COCH: variants seen among roughly 807,000 people sequenced by gnomAD.
COCH encodes cochlin, also known as coagulation factor C homolog, cochlin (Limulus polyphemus).
Under a neutral mutation model 54.8 loss-of-function variants are expected in COCH, and 40 were observed. That is an observed-to-expected ratio of 0.73 (90% CI 0.57 to 0.95). The LOEUF is 0.95. Ranked by LOEUF, COCH falls within the 40% of genes least tolerant of loss-of-function variation. The pLI is 0.00. For missense variants in COCH, 605 were observed against 675.0 expected (o/e 0.90, Z 1.15); for synonymous variants, 256 against 237.9 (o/e 1.08, Z -0.70).
Position 30,889,793 on chromosome 14 carries a change from G to C in COCH, c.*2G>C, listed in dbSNP as rs1243477702. The C allele has an allele frequency of 6.2e-7, 1 of 1,608,056 alleles. No individual in the cohort carries two copies. Among genetic ancestry groups the C allele is most frequent in the Admixed American group, 1.7e-5 (1 of 59,804 alleles). On this transcript the variant is annotated 3_prime_UTR_variant, in exon 12 of 12. Coordinates refer to ENST00000396618, the MANE Select transcript of COCH (RefSeq NM_004086.3). Reference sequence around the variant, plus strand: ...GATTTCTTAGAATCCCAGCAATAATGGTAACATTTTGACAACTGAAAGAAA... The same window carrying C: ...GATTTCTTAGAATCCCAGCAATAATCGTAACATTTTGACAACTGAAAGAAA...
chr14:30,879,194 C>T (rs185658727), intron 5 of COCH, among the ~76,000 whole-genome samples: 6 of 152,236 alleles, frequency 3.9e-5, no homozygotes, highest in Admixed American at 6.5e-5. Context: ...TCAGAATGCC[C>T]GGACACTTAC....
At chr14:30,887,535 T>G (rs1045585036) in intron 11 of COCH, among the ~76,000 whole-genome samples, 2 of 152,226 alleles carry the variant, frequency 1.3e-5, no homozygotes, top group African/African-American at 2.4e-5. Flanking sequence ...ACAGGCCTCG[T>G]TCCTGAAGAC....
intron 8 of COCH, among the ~76,000 whole-genome samples, chr14:30,881,867 G>A (rs1258163319): frequency 1.3e-5 from 2 of 151,830 alleles, no homozygotes; most frequent in Non-Finnish European, 2.9e-5. Flanking sequence ...GGGAGGCTGA[G>A]GCAGGAGAAT....
downstream of COCH, among the ~76,000 whole-genome samples, chr14:30,893,446 C>G (rs1035473013): frequency 6.6e-6 from 1 of 151,870 alleles, no homozygotes; most frequent in African/African-American, 2.4e-5. Context: ...GCCACCGCGC[C>G]CGGCCAAAAA....
chr14:30,885,197 C>T, intron 9 of COCH, 197 bp from the exon 10 acceptor site: 2 of 1,055,196 alleles, frequency 1.9e-6, no homozygotes, highest in Non-Finnish European at 2.7e-6. Context: ...ATAAATAGGC[C>T]TGGTAGATAA....
In COCH at chr14:30,879,462, T is replaced by G. The variant is rs1895491363; in HGVS notation, c.413T>G (p.Val138Gly). The G allele has an allele frequency of 6.2e-7, 1 of 1,614,112 alleles. No homozygotes were observed. The change falls in exon 6 of 12, where the codon GTG becomes GGG. Residue 138 changes from valine (V) to glycine (G), a missense_variant. Physicochemically the swap from Val to Gly is moderately radical, Grantham distance 109. Coordinates refer to ENST00000396618, the MANE Select transcript of COCH (RefSeq NM_004086.3). Reference sequence around the variant, plus strand: ...ACACAGGAGGCCACAGGACAAGCAGTGTCCACAGCACATCCACCAACAGGT... The same window carrying G: ...ACACAGGAGGCCACAGGACAAGCAGGGTCCACAGCACATCCACCAACAGGT... ...SSTQEATGQA[V>G]STAHPPTGKR...
rs773114700 is a variant in COCH, at chr14:30,880,745, T to A, written c.629+11T>A. ...CCTTGTTCAAGCCAGGTACCAACCT[T>A]GTTAAAATGGGAGATTTAAAAAAAA... On this transcript the variant is annotated intron_variant, in intron 8 of 11. Transcript: ENST00000396618. 2.5e-6 allele frequency: 4 copies of A among 1,605,426 alleles called. No homozygotes were observed. Among genetic ancestry groups the A allele is most frequent in the Non-Finnish European group, 3.4e-6 (4 of 1,172,690 alleles).
Position 30,890,190 on chromosome 14 carries a change from A to G in COCH, c.*399A>G, listed in dbSNP as rs1219348041. The G allele has an allele frequency of 5.0e-6, 5 of 990,844 alleles. No individual in the cohort carries two copies. The highest frequency in any genetic ancestry group is 1.7e-5 in the African/African-American group (1 of 57,304). 61.4% of individuals were successfully genotyped at this position (990,844 alleles called of 1,614,324 possible). A position where few individuals can be genotyped will look rare whatever the true frequency, so the allele number is the denominator to read the frequency against. ...GTATTGATTATATAAGCAAAATGAA[A>G]AGAGAAACTTAAATGAACACAGCTC... On this transcript the variant is annotated 3_prime_UTR_variant, in exon 12 of 12. Coordinates refer to ENST00000396618, the MANE Select transcript of COCH (RefSeq NM_004086.3).
intron 10 of COCH, 45 bp from the exon 11 acceptor site, chr14:30,885,751 A>G: frequency 6.2e-7 from 1 of 1,610,328 alleles, no homozygotes; most frequent in Non-Finnish European, 8.5e-7. Flanking sequence ...AAGAAGAAAC[A>G]ACTTTTGATC....
Position 30,876,775 on chromosome 14 carries a change from C to T in COCH, c.83-797C>T, listed in dbSNP as rs377433764. Among the ~76,000 whole-genome samples, 23 of 152,200 alleles carry T rather than the reference C, an allele frequency of 1.5e-4. No individual in the cohort carries two copies. In the South Asian group the frequency reaches 2.3e-3, roughly 15 times the overall value. ...TTACCTCAAGCAACTGTGTACATAGCGTCATCAAAGTTGAGATTTAAAAAT... is the reference window on the plus strand; with the variant it reads ...TTACCTCAAGCAACTGTGTACATAGTGTCATCAAAGTTGAGATTTAAAAAT... On this transcript the variant is annotated intron_variant, in intron 3 of 11. Coordinates refer to ENST00000396618, the MANE Select transcript of COCH (RefSeq NM_004086.3).
At chr14:30,888,303 T>C (rs1325078201) in intron 11 of COCH, among the ~76,000 whole-genome samples, 1 of 152,074 alleles carries the variant, frequency 6.6e-6, no homozygotes, top group Non-Finnish European at 1.5e-5. Flanking sequence ...CAATTGGACA[T>C]TGTTCCAAGT....
intron 1 of COCH, 122 bp downstream of exon 1, chr14:30,874,713 G>T: frequency 3.2e-6 from 2 of 619,784 alleles, no homozygotes; most frequent in South Asian, 3.8e-5. Context: ...GCGGTGCGGG[G>T]TTGCACACCG....
chr14:30,882,136 T>G (rs1443145856), intron 8 of COCH, among the ~76,000 whole-genome samples: 7 of 129,332 alleles, frequency 5.4e-5, no homozygotes, highest in South Asian at 2.7e-4. Flanking sequence ...TTTTTTTTTT[T>G]TTTTTTTTTT....
chr14:30,892,429 C>A (rs1161892323), downstream of COCH, among the ~76,000 whole-genome samples: 4 of 151,982 alleles, frequency 2.6e-5, no homozygotes, highest in African/African-American at 9.7e-5. Flanking sequence ...AAAGAAGAAA[C>A]AGAAGAGGAG....
chr14:30,884,915 A>C (rs1447736037), intron 9 of COCH: 1 of 1,596,508 alleles, frequency 6.3e-7, no homozygotes, highest in African/African-American at 1.3e-5. Context: ...ACTAGATATA[A>C]CATTGGAGAA....
downstream of COCH, among the ~76,000 whole-genome samples, chr14:30,892,105 TATTTAATA>T (rs1311107117): frequency 1.3e-5 from 1 of 76,810 alleles, no homozygotes; most frequent in Non-Finnish European, 4.2e-5. Context: ...TATAAAGTAC[TATTTAATA>T]GTGAAATTAA....
In COCH at chr14:30,890,400, C is replaced by T; in HGVS notation, c.*609C>T. 1.0e-6 allele frequency: 1 copy of T among 983,156 alleles called. No homozygotes were observed. Among genetic ancestry groups the T allele is most frequent in the Non-Finnish European group, 1.2e-6 (1 of 828,182 alleles). The allele number at this position is 983,156 out of a possible 1,614,324, so 60.9% of individuals were successfully genotyped here. Reference sequence around the variant, plus strand: ...AAAAATATCACACTGAATAAGAGAGCAGGATTGCCAGGTATTTTTCTATTT... The same window carrying T: ...AAAAATATCACACTGAATAAGAGAGTAGGATTGCCAGGTATTTTTCTATTT... On this transcript the variant is annotated 3_prime_UTR_variant, in exon 12 of 12. Coordinates refer to ENST00000396618, the MANE Select transcript of COCH (RefSeq NM_004086.3).
rs939484813 is a variant in COCH, at chr14:30,877,042, A to G, written c.83-530A>G. 1.3e-5 allele frequency among the ~76,000 whole-genome samples: 2 copies of G among 152,094 alleles called. No homozygotes were observed. Among genetic ancestry groups the G allele is most frequent in the Non-Finnish European group, 2.9e-5 (2 of 68,016 alleles). On this transcript the variant is annotated intron_variant, in intron 3 of 11. Transcript: ENST00000396618. The surrounding 1 kb of genome is among the most constrained non-coding windows in gnomAD (Gnocchi z 8.6). ...AGACTGGTCTTGACCTCCTGGACTCAAGCAAATCCTCTTGTCTTGGCCTGC... is the reference window on the plus strand; with the variant it reads ...AGACTGGTCTTGACCTCCTGGACTCGAGCAAATCCTCTTGTCTTGGCCTGC...
In COCH at chr14:30,878,826, C is replaced by A. The variant is rs773371394; in HGVS notation, c.255C>A (p.Asn85Lys). Residue 85 changes from asparagine to lysine, a missense_variant, in exon 5 of 12, where the codon AAC becomes AAA. By Grantham distance (94) the Asn-to-Lys change is moderately conservative. Transcript: ENST00000396618. ...GAAVHRGVIS[N>K]SGGPVRVYSL... ...TGTGTTACAGGGGAGTAATCAGCAA[C>A]TCAGGGGGACCTGTACGAGTCTATA... 5.0e-6 allele frequency: 8 copies of A among 1,614,028 alleles called. No individual in the cohort carries two copies. The highest frequency in any genetic ancestry group is 4.4e-5 in the South Asian group (4 of 91,080).
Sources: allele counts gnomAD v4.1 joint callset (sites outside exome capture counted in the v4.1 genomes callset), GRCh38; gene constraint gnomAD v4.1.1; non-coding constraint Gnocchi (gnomAD v3.1); transcripts MANE v1.5; gene names NCBI Gene and HGNC (gene_info 2026-07-23, HGNC 2026-07-21).